Variants in GNAQ observed in about 807,000 individuals in gnomAD.
GNAQ encodes guanine nucleotide-binding protein G(q) subunit alpha.
Under a neutral mutation model 43.9 loss-of-function variants are expected in GNAQ, and 8 were observed. That is an observed-to-expected ratio of 0.18 (90% CI 0.11 to 0.33). The LOEUF (loss-of-function observed/expected upper bound fraction) is 0.33. Ranked by LOEUF, GNAQ falls within the 10% of genes least tolerant of loss-of-function variation. The pLI, the probability that GNAQ is intolerant of heterozygous loss-of-function variation, is 1.00. For missense variants in GNAQ, 158 were observed against 450.8 expected, an observed-to-expected ratio of 0.35 and a Z score of 5.88; for synonymous variants, 155 against 170.7, an observed-to-expected ratio of 0.91 and a Z score of 0.71.
At chr9:77,805,369 A>G (rs1826811837) in intron 3 of GNAQ, among the ~76,000 whole-genome samples, 1 of 152,048 alleles carries the variant, frequency 6.6e-6, no homozygotes, top group Admixed American at 6.5e-5. Context: ...GATGTGCAGC[A>G]TTTATTAACA....
At chr9:78,021,158 T>C (rs555131958) in intron 1 of GNAQ, among the ~76,000 whole-genome samples, 56 of 148,812 alleles carry the variant, frequency 3.8e-4, no homozygotes, top group Admixed American at 1.5e-3. Flanking sequence ...CCTAAGTAAC[T>C]GGGACCACAG....
At chr9:77,849,854 T>C (rs1827645174) in intron 2 of GNAQ, among the ~76,000 whole-genome samples, 2 of 152,152 alleles carry the variant, frequency 1.3e-5, no homozygotes, top group Admixed American at 6.5e-5. Flanking sequence ...TCTGTAGAGA[T>C]GGAGTCTCAT....
chr9:78,013,901 A>T (rs942866370), intron 1 of GNAQ, among the ~76,000 whole-genome samples: 2 of 152,166 alleles, frequency 1.3e-5, no homozygotes, highest in African/African-American at 4.8e-5. Flanking sequence ...CCAAAAGCCA[A>T]AAATGTTTAC....
At position 77,863,220 on chromosome 9, in the gene GNAQ, G is replaced by GGAAGAAAGGA. The variant is rs1564133751; in HGVS notation, c.322-47451_322-47450insTCCTTTCTTC. 1.7e-4 allele frequency among the ~76,000 whole-genome samples: 6 copies of GGAAGAAAGGA among 34,334 alleles called. 1 individual carries two copies. Among genetic ancestry groups the GGAAGAAAGGA allele is most frequent in the African/African-American group, 3.4e-4 (6 of 17,634 alleles). 22.5% of individuals were successfully genotyped at this position (34,334 alleles called of 152,430 possible). A position where few individuals can be genotyped will look rare whatever the true frequency, so the allele number is the denominator to read the frequency against. On this transcript the variant is annotated intron_variant, in intron 2 of 6. Coordinates refer to ENST00000286548, the MANE Select transcript of GNAQ (RefSeq NM_002072.5). ...GAAGGAAGGAAGGAAGGAAGGAAGG[G>GGAAGAAAGGA]AGGAAGGAAGAAAGGAAGGAAGGAA...
At chr9:77,786,278 T>A (rs1173557217) in intron 5 of GNAQ, among the ~76,000 whole-genome samples, 2 of 144,318 alleles carry the variant, frequency 1.4e-5, no homozygotes, top group East Asian at 4.1e-4. Flanking sequence ...CTTGGCAAGC[T>A]GAGGCAGGAG....
chr9:77,732,493 G>A (rs1020579693), intron 5 of GNAQ, among the ~76,000 whole-genome samples: 5 of 151,914 alleles, frequency 3.3e-5, no homozygotes, highest in African/African-American at 9.7e-5. Context: ...AGCCTCCCTA[G>A]TGGCTGGGAC....
At chr9:77,876,158 A>G (rs567201580) in intron 2 of GNAQ, among the ~76,000 whole-genome samples, 12 of 152,372 alleles carry the variant, frequency 7.9e-5, no homozygotes, top group Admixed American at 5.9e-4. Context: ...GCAGAAAAAG[A>G]ACTGGCACCA....
intron 5 of GNAQ, among the ~76,000 whole-genome samples, chr9:77,782,078 G>T (rs1826402817): frequency 6.6e-6 from 1 of 151,922 alleles, no homozygotes. Flanking sequence ...AACTGTCTCT[G>T]TTCTCATCTG....
rs148044505 is a variant in GNAQ at position 77,816,541 on chromosome 9, G to A, written c.322-771C>T. ...TTTATGGTCAACCCTCAAATTAGCCGGAATACACGACTGCCTAACAATCCA... is the reference window on the plus strand; with the variant it reads ...TTTATGGTCAACCCTCAAATTAGCCAGAATACACGACTGCCTAACAATCCA... On this transcript the variant is annotated intron_variant, in intron 2 of 6. Transcript: ENST00000286548. 2.3e-3 allele frequency among the ~76,000 whole-genome samples: 346 copies of A among 151,970 alleles called. 2 individuals carry two copies. Among genetic ancestry groups the A allele is most frequent in the African/African-American group, 7.6e-3 (313 of 41,438 alleles).
Position 77,857,124 on chromosome 9 carries a change from CA to C in GNAQ, c.322-41355del, listed in dbSNP as rs1239583355. 1.2e-4 allele frequency among the ~76,000 whole-genome samples: 18 copies of C among 152,304 alleles called. No individual in the cohort carries two copies. The Middle Eastern group carries it at 0.017, about 144-fold the overall frequency. On this transcript the variant is annotated intron_variant, in intron 2 of 6. Transcript: ENST00000286548. The stretch of plus-strand genomic sequence containing the variant: ...CAGCAAGACATGCTAGGCAAGGCAG[CA>C]GAGTGAAATTCAAACCTGTCAAGGC...
At chr9:77,861,556 T>C (rs1009744958) in intron 2 of GNAQ, among the ~76,000 whole-genome samples, 1 of 152,154 alleles carries the variant, frequency 6.6e-6, no homozygotes, top group Non-Finnish European at 1.5e-5. Context: ...GGTACAGGCA[T>C]TGGGTAAACA....
chr9:77,788,299 G>A (rs1826515815), intron 5 of GNAQ, among the ~76,000 whole-genome samples: 1 of 152,112 alleles, frequency 6.6e-6, no homozygotes, highest in Non-Finnish European at 1.5e-5. Flanking sequence ...GCAGGGAACA[G>A]TCACGTAATA....
At chr9:77,789,397 A>G (rs1445791191) in intron 5 of GNAQ, among the ~76,000 whole-genome samples, 1 of 152,168 alleles carries the variant, frequency 6.6e-6, no homozygotes, top group Non-Finnish European at 1.5e-5. Context: ...AAACCCCTAT[A>G]AATTAGTAAG....
chr9:77,795,496 G>C (rs904884728), intron 4 of GNAQ, among the ~76,000 whole-genome samples: 10 of 152,162 alleles, frequency 6.6e-5, no homozygotes, highest in African/African-American at 2.4e-4. Flanking sequence ...ACAAAAATTT[G>C]AAAGTAGGGC....
chr9:77,992,735 A>G (rs1823523643), intron 1 of GNAQ, among the ~76,000 whole-genome samples: 1 of 152,148 alleles, frequency 6.6e-6, no homozygotes, highest in African/African-American at 2.4e-5. Context: ...ACCTGAGGTC[A>G]AGAGTTTGAG....
rs187338696 is a variant in GNAQ at position 77,771,417 on chromosome 9, T to G, written c.735+23046A>C. On this transcript the variant is annotated intron_variant, in intron 5 of 6. Coordinates refer to ENST00000286548, the MANE Select transcript of GNAQ (RefSeq NM_002072.5). ...TGCAAATTAATCAGGAAGAGCACGT[T>G]TAGTGTCATTTTCTAAAAGAGAATT... Among the ~76,000 whole-genome samples, 18 of 152,242 alleles carry G rather than the reference T, an allele frequency of 1.2e-4. No homozygotes were observed. The East Asian group carries it at 2.5e-3, about 21-fold the overall frequency.
chr9:77,761,486 C>T (rs796166295), intron 5 of GNAQ, among the ~76,000 whole-genome samples: 3,523 of 128,422 alleles, frequency 0.027, no homozygotes, highest in Non-Finnish European at 0.031. Flanking sequence ...TCGCCCAGTC[C>T]GGGAGGGAGG....
intron 3 of GNAQ, among the ~76,000 whole-genome samples, chr9:77,811,536 T>C (rs1323232176): frequency 6.6e-6 from 1 of 152,192 alleles, no homozygotes; most frequent in Non-Finnish European, 1.5e-5. Context: ...GTTTAACATA[T>C]GGGACCTACA....
intron 1 of GNAQ, among the ~76,000 whole-genome samples, chr9:77,933,631 A>C: frequency 1.7e-5 from 2 of 114,790 alleles, no homozygotes; most frequent in Admixed American, 1.0e-4. Context: ...ACAGAGTACG[A>C]CCCTGTCTCA....
Sources: allele counts gnomAD v4.1 joint callset (sites outside exome capture counted in the v4.1 genomes callset), GRCh38; gene constraint gnomAD v4.1.1; transcripts MANE v1.5; gene names NCBI Gene and HGNC (gene_info 2026-07-23, HGNC 2026-07-21).